The following RAD51B variants were observed in gnomAD, a reference collection of about 807,000 sequenced individuals.
The protein encoded by RAD51B is RAD51 paralog B.
A neutral mutation model predicts 42.2 loss-of-function variants in RAD51B; 38 were observed. The observed-to-expected ratio is 0.90, with a 90% CI of 0.70 to 1.18. The LOEUF is 1.18. Among genes scored for constraint, RAD51B ranks in the 50% most tolerant of loss-of-function variants. The pLI is 0.00. For synonymous variants in RAD51B, 154 were observed against 145.2 expected, an observed-to-expected ratio of 1.06 and a Z score of -0.43; for missense variants, 373 against 400.7, an observed-to-expected ratio of 0.93 and a Z score of 0.59.
chr14:68,585,448 C>T (rs554275767), intron 10 of RAD51B, among the ~76,000 whole-genome samples: 1 of 152,280 alleles, frequency 6.6e-6, no homozygotes, highest in East Asian at 1.9e-4. Context: ...CGAGGAGCCC[C>T]AGGCGGGAGG....
chr14:68,124,240 A>G (rs536643756), intron 7 of RAD51B, among the ~76,000 whole-genome samples: 2 of 152,288 alleles, frequency 1.3e-5, no homozygotes, highest in African/African-American at 2.4e-5. Flanking sequence ...GGTTCAGCCT[A>G]TTTTCCATTC....
At chr14:68,263,605 T>C (rs969912273) in intron 7 of RAD51B, among the ~76,000 whole-genome samples, 2 of 152,230 alleles carry the variant, frequency 1.3e-5, no homozygotes, top group Admixed American at 6.5e-5. Context: ...TTCATAATGC[T>C]TTTTTTCTGA....
chr14:68,527,267 T>C (rs1886994447), intron 10 of RAD51B, among the ~76,000 whole-genome samples: 1 of 149,844 alleles, frequency 6.7e-6, no homozygotes, highest in Non-Finnish European at 1.5e-5. Flanking sequence ...ACAGTATTTT[T>C]CAAAGTAAAA....
intron 7 of RAD51B, among the ~76,000 whole-genome samples, chr14:68,206,037 AG>A (rs1313751242): frequency 6.6e-6 from 1 of 152,196 alleles, no homozygotes; most frequent in Non-Finnish European, 1.5e-5. Flanking sequence ...TATTGCCTTT[AG>A]TTGTCATGTT....
At chr14:68,070,002 A>G (rs900514785) in intron 7 of RAD51B, among the ~76,000 whole-genome samples, 3 of 152,048 alleles carry the variant, frequency 2.0e-5, no homozygotes, top group African/African-American at 7.2e-5. Context: ...ATGGTATTTC[A>G]CTGTGGTTTT....
chr14:68,118,123 GA>G (rs1472418076), intron 7 of RAD51B, among the ~76,000 whole-genome samples: 4 of 151,832 alleles, frequency 2.6e-5, no homozygotes, highest in Non-Finnish European at 5.9e-5. Flanking sequence ...TTTTTATTTT[GA>G]AAAGAGTTAT....
At chr14:68,222,615 C>A (rs891406200) in intron 7 of RAD51B, among the ~76,000 whole-genome samples, 2 of 152,114 alleles carry the variant, frequency 1.3e-5, no homozygotes, top group African/African-American at 4.8e-5. Context: ...TTTCAGAAAT[C>A]ACCACCAAGG....
chr14:68,486,774 C>T (rs1883656620), intron 10 of RAD51B, among the ~76,000 whole-genome samples: 1 of 152,204 alleles, frequency 6.6e-6, no homozygotes, highest in South Asian at 2.1e-4. Flanking sequence ...CATGCCCACA[C>T]CTCAACTCCA....
chr14:68,008,676 A>G (rs762843624), intron 7 of RAD51B, among the ~76,000 whole-genome samples: 3 of 152,014 alleles, frequency 2.0e-5, no homozygotes, highest in Non-Finnish European at 2.9e-5. Flanking sequence ...CCTTTGGTTT[A>G]TGAGTTTAAA....
chr14:68,429,198 A>G (rs985681129), intron 9 of RAD51B, among the ~76,000 whole-genome samples: 2 of 152,162 alleles, frequency 1.3e-5, no homozygotes, highest in African/African-American at 4.8e-5. Flanking sequence ...TATTGTGTAT[A>G]GTGCTGCAAT....
chr14:68,292,025 G>C (rs2081527674), intron 8 of RAD51B, 45 bp downstream of exon 8: 1 of 1,497,970 alleles, frequency 6.7e-7, no homozygotes. Flanking sequence ...CACTGACATA[G>C]AGCCCCACTG....
At chr14:68,430,680 C>T (rs766648978) in intron 9 of RAD51B, among the ~76,000 whole-genome samples, 1 of 152,198 alleles carries the variant, frequency 6.6e-6, no homozygotes, top group Non-Finnish European at 1.5e-5. Context: ...CATATACAAT[C>T]ATATATCATC....
intron 10 of RAD51B, among the ~76,000 whole-genome samples, chr14:68,520,852 A>G (rs1203600446): frequency 6.6e-6 from 1 of 152,240 alleles, no homozygotes; most frequent in African/African-American, 2.4e-5. Context: ...ACATTGTCCT[A>G]AGGGCTGTGA....
At chr14:68,092,493 C>T (rs184010558) in intron 7 of RAD51B, among the ~76,000 whole-genome samples, 108 of 152,264 alleles carry the variant, frequency 7.1e-4, no homozygotes, top group African/African-American at 2.6e-3. Flanking sequence ...TGATTTGGCT[C>T]TCTGTTTGTC....
At chr14:67,938,332 G>A (rs1231496536) in intron 7 of RAD51B, among the ~76,000 whole-genome samples, 1 of 152,126 alleles carries the variant, frequency 6.6e-6, no homozygotes, top group African/African-American at 2.4e-5. Context: ...AGATAATCTT[G>A]TGCATTGAGC....
chr14:68,120,187 T>G (rs1396641668), intron 7 of RAD51B, among the ~76,000 whole-genome samples: 1 of 152,006 alleles, frequency 6.6e-6, no homozygotes, highest in Non-Finnish European at 1.5e-5. Context: ...TCTTGTAAAT[T>G]TGTTTGAGTT....
intron 11 of RAD51B, among the ~76,000 whole-genome samples, chr14:68,654,788 G>T (rs1456071462): frequency 6.6e-6 from 1 of 152,124 alleles, no homozygotes; most frequent in Non-Finnish European, 1.5e-5. Context: ...AGGGTGTCTG[G>T]TTCCTGTAAA....
At chr14:68,446,146 A>T (rs1340264866) in intron 9 of RAD51B, among the ~76,000 whole-genome samples, 1 of 152,226 alleles carries the variant, frequency 6.6e-6, no homozygotes, top group Non-Finnish European at 1.5e-5. Flanking sequence ...AGCTATACAA[A>T]CATCATCTTT....
intron 10 of RAD51B, among the ~76,000 whole-genome samples, chr14:68,486,434 A>G (rs984966804): frequency 2.0e-5 from 3 of 152,144 alleles, no homozygotes; most frequent in African/African-American, 7.2e-5. Context: ...TCCCAGCACC[A>G]TCGTCCAAAC....
Sources: gnomAD v4.1 joint callset for allele counts (sites outside exome capture counted in the v4.1 genomes callset) on GRCh38, gnomAD v4.1.1 for gene constraint, MANE v1.5 for transcripts, NCBI Gene and HGNC (gene_info 2026-07-23, HGNC 2026-07-21) for gene names.